The following ATG10 variants were observed in gnomAD, a reference collection of about 807,000 sequenced individuals.
ATG10 encodes autophagy related 10, also known as ubiquitin-like-conjugating enzyme ATG10.
ATG10 carries 30 observed loss-of-function variants against 32.1 expected under a neutral mutation model. The ratio of observed to expected loss-of-function variants is 0.94; its 90% CI spans 0.70 to 1.27. The LOEUF (loss-of-function observed/expected upper bound fraction) is 1.27. ATG10 is among the 50% of genes most tolerant of loss of function. The probability of loss-of-function intolerance (pLI) is 0.00; values close to 1 mark genes in which losing one functional copy is unlikely to be tolerated. For missense variants in ATG10, 233 were observed against 262.3 expected (o/e 0.89, Z 0.77); for synonymous variants, 87 against 91.5 (o/e 0.95, Z 0.28).
intron 2 of ATG10, among the ~76,000 whole-genome samples, chr5:82,025,007 G>A (rs1160402042): frequency 6.6e-6 from 1 of 152,212 alleles, no homozygotes; most frequent in East Asian, 1.9e-4. Flanking sequence ...TTTTTGAAAG[G>A]TAATGTAAGA....
intron 2 of ATG10, among the ~76,000 whole-genome samples, chr5:81,995,886 T>C (rs1761650247): frequency 6.6e-6 from 1 of 152,234 alleles, no homozygotes. Context: ...GCATGGATTT[T>C]ATTTCTGGAG....
Position 82,215,028 on chromosome 5 carries a change from T to C in ATG10, c.453+36441T>C, listed in dbSNP as rs185126567. On this transcript the variant is annotated intron_variant, in intron 5 of 7. Transcript: ENST00000282185. ...ATTTCTATTAACAAATTACCTAAAC[T>C]TAAATGATTTAATACACTTATAATC... 5.6e-4 allele frequency among the ~76,000 whole-genome samples: 85 copies of C among 152,340 alleles called. 1 individual carries two copies. In the Middle Eastern group the frequency reaches 0.014, roughly 24 times the overall value.
chr5:82,073,507 T>A (rs1165413939), intron 3 of ATG10: 1 of 152,138 alleles, frequency 6.6e-6, no homozygotes, highest in African/African-American at 2.4e-5. Context: ...ATCCCTGCTT[T>A]CCCTCCTTCT....
chr5:82,217,175 A>G (rs1172492333), intron 5 of ATG10, among the ~76,000 whole-genome samples: 3 of 152,162 alleles, frequency 2.0e-5, no homozygotes, highest in African/African-American at 7.2e-5. Flanking sequence ...AAAATTGGGA[A>G]GATCATGAGT....
chr5:82,056,138 T>C (rs1763588016), intron 2 of ATG10, among the ~76,000 whole-genome samples: 3 of 152,310 alleles, frequency 2.0e-5, no homozygotes, highest in South Asian at 4.1e-4. Flanking sequence ...TGATTATCTA[T>C]CTCAAGATTG....
intron 5 of ATG10, among the ~76,000 whole-genome samples, chr5:82,192,329 A>G (rs1421211148): frequency 1.3e-5 from 2 of 152,094 alleles, no homozygotes; most frequent in Non-Finnish European, 2.9e-5. Flanking sequence ...AGTCATCTAG[A>G]ATTTGTTTAT....
At position 82,010,054 on chromosome 5, in the gene ATG10, C is replaced by T. The variant is rs1762087006; in HGVS notation, c.108+22376C>T. ...AAGGAGACGCGGCCCAAGGGCTCGCCATCGACGGCAATGTCGAAGAACACG... is the reference window on the plus strand; with the variant it reads ...AAGGAGACGCGGCCCAAGGGCTCGCTATCGACGGCAATGTCGAAGAACACG... On this transcript the variant is annotated intron_variant, in intron 2 of 7. Coordinates refer to ENST00000282185, the MANE Select transcript of ATG10 (RefSeq NM_031482.5). The T allele has an allele frequency of 4.3e-6, 7 of 1,610,576 alleles. No individual in the cohort carries two copies. The South Asian group carries it at 6.6e-5, about 15-fold the overall frequency.
At chr5:82,050,117 A>C (rs566700571) in intron 2 of ATG10, among the ~76,000 whole-genome samples, 1 of 152,106 alleles carries the variant, frequency 6.6e-6, no homozygotes, top group African/African-American at 2.4e-5. Context: ...TTGTTGTTCT[A>C]TAACTTACTT....
At chr5:82,065,604 C>A (rs948444866) in intron 3 of ATG10, among the ~76,000 whole-genome samples, 4 of 151,850 alleles carry the variant, frequency 2.6e-5, no homozygotes, top group Non-Finnish European at 4.4e-5. Context: ...ATTGATACTA[C>A]CATATCACTT....
intron 2 of ATG10, among the ~76,000 whole-genome samples, chr5:82,016,082 T>A (rs533600240): frequency 6.6e-6 from 1 of 152,320 alleles, no homozygotes; most frequent in East Asian, 1.9e-4. Context: ...TGCATAAGCT[T>A]TTTAAATTGT....
chr5:82,019,747 G>A (rs542081173), intron 2 of ATG10, among the ~76,000 whole-genome samples: 10 of 152,324 alleles, frequency 6.6e-5, no homozygotes, highest in African/African-American at 2.4e-4. Flanking sequence ...GCTTAGTTGG[G>A]TGTTTGCTTA....
At chr5:81,983,995 C>T (rs1017180040) in intron 1 of ATG10, among the ~76,000 whole-genome samples, 2 of 152,090 alleles carry the variant, frequency 1.3e-5, no homozygotes, top group African/African-American at 2.4e-5. Context: ...GGCGGCCGGG[C>T]AGAGACGCTC....
intron 3 of ATG10, among the ~76,000 whole-genome samples, chr5:82,088,973 T>G (rs1442558353): frequency 6.6e-6 from 1 of 152,142 alleles, no homozygotes; most frequent in African/African-American, 2.4e-5. Context: ...CCAGAATATT[T>G]AGAACCTTTT....
At chr5:82,081,601 A>C (rs1413018732) in intron 3 of ATG10, among the ~76,000 whole-genome samples, 1 of 152,210 alleles carries the variant, frequency 6.6e-6, no homozygotes, top group African/African-American at 2.4e-5. Flanking sequence ...CCTTTTCTGC[A>C]TCTATTGAGA....
At chr5:82,014,714 T>A (rs1179048893) in intron 2 of ATG10, among the ~76,000 whole-genome samples, 4 of 152,206 alleles carry the variant, frequency 2.6e-5, no homozygotes, top group East Asian at 1.9e-4. Context: ...ATTTTGAGCC[T>A]ATGTGTGTCT....
At chr5:82,000,506 A>G (rs896080173) in intron 2 of ATG10, among the ~76,000 whole-genome samples, 1 of 152,206 alleles carries the variant, frequency 6.6e-6, no homozygotes, top group Non-Finnish European at 1.5e-5. Flanking sequence ...GCATCCAGAT[A>G]GGAAGAGAGG....
At chr5:82,074,579 T>G (rs1215373030) in intron 3 of ATG10, among the ~76,000 whole-genome samples, 1 of 152,164 alleles carries the variant, frequency 6.6e-6, no homozygotes, top group East Asian at 1.9e-4. Context: ...TAACCTGGGC[T>G]TTGTTGGTTA....
intron 5 of ATG10, among the ~76,000 whole-genome samples, chr5:82,239,310 G>C (rs917744952): frequency 6.6e-6 from 1 of 152,136 alleles, no homozygotes; most frequent in Non-Finnish European, 1.5e-5. Context: ...GGCTGTCTTT[G>C]TCTATGCGAT....
At chr5:82,239,239 C>G (rs769739966) in intron 5 of ATG10, among the ~76,000 whole-genome samples, 24 of 152,280 alleles carry the variant, frequency 1.6e-4, no homozygotes, top group Admixed American at 5.9e-4. Context: ...GCCCTCCACA[C>G]AAATATTTCC....
Sources: allele counts gnomAD v4.1 joint callset (sites outside exome capture counted in the v4.1 genomes callset), GRCh38; gene constraint gnomAD v4.1.1; transcripts MANE v1.5; gene names NCBI Gene and HGNC (gene_info 2026-07-23, HGNC 2026-07-21).